The following TAF2 variants were observed in gnomAD, a reference collection of about 807,000 sequenced individuals.
TAF2 encodes transcription initiation factor TFIID subunit 2.
In TAF2, 61 loss-of-function variants were observed where a neutral mutation model predicts 138.5. The observed-to-expected ratio is 0.44, with a 90% CI of 0.36 to 0.54. The LOEUF (loss-of-function observed/expected upper bound fraction) is 0.54, where lower values mean the gene tolerates loss of function less well. Ranked by LOEUF, TAF2 falls within the 20% of genes least tolerant of loss-of-function variation. The pLI is 0.00. For synonymous variants in TAF2, 475 were observed against 469.9 expected, an observed-to-expected ratio of 1.01 and a Z score of -0.14; for missense variants, 1,090 against 1,427.9, an observed-to-expected ratio of 0.76 and a Z score of 3.81.
intron 11 of TAF2, 120 bp downstream of exon 11, chr8:119,791,204 T>C (rs773640327): frequency 2.3e-4 from 270 of 1,171,332 alleles, no homozygotes; most frequent in Non-Finnish European, 3.2e-4. Context: ...ACAGGTTACT[T>C]AGTGGGCAAA....
intron 17 of TAF2, among the ~76,000 whole-genome samples, chr8:119,778,444 A>G (rs927957359): frequency 6.6e-6 from 1 of 152,230 alleles, no homozygotes; most frequent in African/African-American, 2.4e-5. Flanking sequence ...TATGTGATAC[A>G]GTGGAAAAGG....
intron 18 of TAF2, among the ~76,000 whole-genome samples, chr8:119,776,024 C>CT (rs146734450): frequency 0.033 from 4,989 of 152,196 alleles, 152 homozygotes; most frequent in South Asian, 0.11. Context: ...AAAGCACATG[C>CT]TTCCTAAAAT....
chr8:119,822,810 T>G (rs1437967545), intron 2 of TAF2, among the ~76,000 whole-genome samples: 1 of 152,186 alleles, frequency 6.6e-6, no homozygotes, highest in Non-Finnish European at 1.5e-5. Flanking sequence ...CCTCCTGTCC[T>G]TGACTTCTTC....
At chr8:119,751,155 T>C (rs1820322464) in intron 22 of TAF2, among the ~76,000 whole-genome samples, 1 of 152,212 alleles carries the variant, frequency 6.6e-6, no homozygotes, top group South Asian at 2.1e-4. Flanking sequence ...TGTAATTCAG[T>C]ATCTTACTTG....
chr8:119,777,766 C>T (rs1408467591), intron 18 of TAF2, among the ~76,000 whole-genome samples: 1 of 152,196 alleles, frequency 6.6e-6, no homozygotes, highest in Non-Finnish European at 1.5e-5. Flanking sequence ...ACTACTCTCT[C>T]CACACTACAA....
At chr8:119,798,380 T>C (rs1823982536) in intron 6 of TAF2, among the ~76,000 whole-genome samples, 1 of 152,148 alleles carries the variant, frequency 6.6e-6, no homozygotes, top group African/African-American at 2.4e-5. Context: ...AAATAGTAAC[T>C]CTGTTTTTTT....
chr8:119,788,105 G>A (rs1164183259), intron 14 of TAF2, among the ~76,000 whole-genome samples: 1 of 152,110 alleles, frequency 6.6e-6, no homozygotes, highest in Non-Finnish European at 1.5e-5. Context: ...GGGGGCTAGG[G>A]GAAGGAGAGC....
intron 21 of TAF2, among the ~76,000 whole-genome samples, chr8:119,756,679 A>C (rs922476357): frequency 6.6e-6 from 1 of 152,204 alleles, no homozygotes; most frequent in African/African-American, 2.4e-5. Flanking sequence ...CCTTAAAACA[A>C]GCTGAGGTTG....
intron 23 of TAF2, chr8:119,745,011 G>A (rs1819859708): frequency 4.4e-6 from 2 of 456,032 alleles, no homozygotes; most frequent in African/African-American, 2.0e-5. Flanking sequence ...ATTACATGAT[G>A]CTTCCTTGGC....
rs955487262 is a variant in TAF2, at chr8:119,819,250, T to C, written c.299+96A>G. 1.1e-5 allele frequency: 15 copies of C among 1,306,326 alleles called. No individual in the cohort carries two copies. In the East Asian group the frequency reaches 3.3e-4, roughly 28 times the overall value. 80.9% of individuals were successfully genotyped at this position (1,306,326 alleles called of 1,614,324 possible). On this transcript the variant is annotated intron_variant, in intron 3 of 25. Coordinates refer to ENST00000378164, the MANE Select transcript of TAF2 (RefSeq NM_003184.4). Reference sequence around the variant, plus strand: ...ATTGGGATTCAAAGCCCATTAACGATCCAAAAAAAAAATACTTTGAGAAAA... The same window carrying C: ...ATTGGGATTCAAAGCCCATTAACGACCCAAAAAAAAAATACTTTGAGAAAA...
At chr8:119,790,877 G>C (rs1823378954) in intron 11 of TAF2, among the ~76,000 whole-genome samples, 2 of 151,900 alleles carry the variant, frequency 1.3e-5, no homozygotes, top group Admixed American at 6.6e-5. Flanking sequence ...GCTCACTGCA[G>C]CTTCAACCTC....
intron 4 of TAF2, 131 bp from the exon 5 acceptor site, chr8:119,804,150 C>A: frequency 9.3e-7 from 1 of 1,078,236 alleles, no homozygotes; most frequent in Admixed American, 2.1e-5. Flanking sequence ...ACACTACTTA[C>A]CCTAGTTTAG....
intron 18 of TAF2, among the ~76,000 whole-genome samples, chr8:119,765,954 C>G (rs890658440): frequency 6.6e-6 from 1 of 152,074 alleles, no homozygotes; most frequent in Admixed American, 6.6e-5. Context: ...AGATGACACA[C>G]GTTTTTCAGG....
rs1821002733 is a variant in TAF2 at position 119,760,692 on chromosome 8, T to C, written c.2605A>G (p.Ser869Gly). ...RVLQKNGHVP[S>G]DPALFKSYAE... is the part of the protein sequence containing the mutation. ...TAAGATTTAAAAAGAGCTGGATCACTTGGCACATGTCCGTTCTTCTGAAGT... is the reference window on the plus strand; with the variant it reads ...TAAGATTTAAAAAGAGCTGGATCACCTGGCACATGTCCGTTCTTCTGAAGT... Residue 869 changes from serine (S) to glycine (G), a missense_variant, in exon 20 of 26, where the codon AGT (serine) becomes GGT (glycine). By Grantham distance (56) the Ser-to-Gly change is moderately conservative. Coordinates refer to ENST00000378164, the MANE Select transcript of TAF2 (RefSeq NM_003184.4). 1.9e-6 allele frequency: 3 copies of C among 1,613,880 alleles called. No homozygotes were observed. Among genetic ancestry groups the C allele is most frequent in the Non-Finnish European group, 1.7e-6 (2 of 1,179,952 alleles).
In TAF2 at chr8:119,793,579, GA is replaced by G. The variant is rs1166933971; in HGVS notation, c.1192-129del. On this transcript the variant is annotated intron_variant, in intron 9 of 25. Coordinates refer to ENST00000378164, the MANE Select transcript of TAF2 (RefSeq NM_003184.4). ...AGAATGTAAATTTCTTAAAATAAGT[GA>G]AATGTATTTAAAGAGTAGTTTATGT... The G allele has an allele frequency of 4.2e-6, 3 of 719,472 alleles. No individual in the cohort carries two copies. The Admixed American group carries it at 7.6e-5, about 18-fold the overall frequency. The allele number at this position is 719,472 out of a possible 1,614,324, so 44.6% of individuals were successfully genotyped here. A position where few individuals can be genotyped will look rare whatever the true frequency, so the allele number is the denominator to read the frequency against.
chr8:119,766,677 T>C (rs1372178102), intron 18 of TAF2, among the ~76,000 whole-genome samples: 2 of 151,802 alleles, frequency 1.3e-5, no homozygotes, highest in African/African-American at 2.4e-5. Context: ...CTGAGTGTGG[T>C]ACAAAAATTA....
chr8:119,743,450 GA>G (rs1267013952), intron 24 of TAF2, among the ~76,000 whole-genome samples: 13 of 151,952 alleles, frequency 8.6e-5, no homozygotes, highest in African/African-American at 3.1e-4. Flanking sequence ...AAGCATATAC[GA>G]AACATCTGTG....
At chr8:119,830,938 C>T (rs767250511) in intron 2 of TAF2, among the ~76,000 whole-genome samples, 2 of 152,022 alleles carry the variant, frequency 1.3e-5, no homozygotes, top group Non-Finnish European at 1.5e-5. Context: ...AAAACTCTGA[C>T]TCCATTAAAA....
At chr8:119,780,983 T>TTATTTGAACA (rs1232461844) in intron 17 of TAF2, 70 bp downstream of exon 17, 2 of 1,426,658 alleles carry the variant, frequency 1.4e-6, no homozygotes, top group Non-Finnish European at 1.9e-6. Flanking sequence ...AACACATCTA[T>TTATTTGAACA]TATTTGAACA....
Sources: allele counts gnomAD v4.1 joint callset (sites outside exome capture counted in the v4.1 genomes callset), GRCh38; gene constraint gnomAD v4.1.1; transcripts MANE v1.5; gene names NCBI Gene and HGNC (gene_info 2026-07-23, HGNC 2026-07-21).